LRGUK: variants seen among roughly 807,000 people sequenced by gnomAD.
The protein encoded by LRGUK is leucine-rich repeat and guanylate kinase domain-containing protein.
LRGUK carries 65 observed loss-of-function variants against 76.0 expected under a neutral mutation model. That is an observed-to-expected ratio of 0.85 (90% CI 0.70 to 1.05). The LOEUF (loss-of-function observed/expected upper bound fraction) is 1.05, where lower values mean the gene tolerates loss of function less well. Among genes scored for constraint, LRGUK ranks in the 50% least tolerant of loss-of-function variants. LRGUK has a pLI of 0.00. For missense variants in LRGUK, 758 were observed against 732.8 expected, an observed-to-expected ratio of 1.03 and a Z score of -0.40; for synonymous variants, 268 against 265.6, an observed-to-expected ratio of 1.01 and a Z score of -0.09.
chr7:134,190,144 G>A (rs923438700), intron 11 of LRGUK, among the ~76,000 whole-genome samples: 2 of 152,166 alleles, frequency 1.3e-5, no homozygotes, highest in Non-Finnish European at 2.9e-5. Flanking sequence ...CTAGCTTATG[G>A]TTTTTGTAAG....
rs553126828 is a variant in LRGUK, at chr7:134,215,302, A to G, written c.1844-6477A>G. 3.3e-5 allele frequency among the ~76,000 whole-genome samples: 5 copies of G among 152,152 alleles called. No homozygotes were observed. In the East Asian group the frequency reaches 7.7e-4, roughly 24 times the overall value. ...CTATGGCGCTGAATTTCAATTTTTA[A>G]AATTCTGGTTGTGGCCTCCTAAATT... is the stretch of plus-strand genomic sequence containing the variant. On this transcript the variant is annotated intron_variant, in intron 15 of 19. Coordinates refer to the LRGUK transcript ENST00000285928.
intron 7 of LRGUK, among the ~76,000 whole-genome samples, chr7:134,170,719 A>G (rs995299269): frequency 2.6e-5 from 4 of 152,170 alleles, no homozygotes; most frequent in Non-Finnish European, 5.9e-5. Flanking sequence ...TTTTTCCAAT[A>G]TCTAATAGTA....
chr7:134,199,684 T>C (rs1389705149), intron 14 of LRGUK, among the ~76,000 whole-genome samples: 1 of 151,962 alleles, frequency 6.6e-6, no homozygotes, highest in African/African-American at 2.4e-5. Flanking sequence ...TAGGGGACAT[T>C]GTGAGAACAA....
chr7:134,167,661 C>T (rs1018283341), intron 7 of LRGUK, among the ~76,000 whole-genome samples: 2 of 152,100 alleles, frequency 1.3e-5, no homozygotes, highest in Admixed American at 6.6e-5. Flanking sequence ...GCAGAAGGGG[C>T]GGGAATGTGA....
At chr7:134,154,402 T>C (rs1038853509) in intron 5 of LRGUK, among the ~76,000 whole-genome samples, 2 of 152,166 alleles carry the variant, frequency 1.3e-5, no homozygotes, top group Non-Finnish European at 2.9e-5. Context: ...GATAAAGATA[T>C]TGAAGACCAT....
intron 5 of LRGUK, among the ~76,000 whole-genome samples, chr7:134,157,608 C>G (rs1427616614): frequency 6.6e-6 from 1 of 152,200 alleles, no homozygotes; most frequent in African/African-American, 2.4e-5. Flanking sequence ...TTGCAAGCTC[C>G]GCCTCCCGGG....
chr7:134,208,505 T>A (rs749405769), intron 15 of LRGUK, among the ~76,000 whole-genome samples: 1 of 152,178 alleles, frequency 6.6e-6, no homozygotes, highest in Non-Finnish European at 1.5e-5. Flanking sequence ...TTGACTAAAA[T>A]TGTTCTAAGT....
At chr7:134,221,842 G>A (rs1237921231) in exon 16 of LRGUK, 1 of 1,603,468 alleles carries the variant, frequency 6.2e-7, no homozygotes, top group African/African-American at 1.4e-5. Context: ...TCGAATATGG[G>A]TGATTTCCTG....
chr7:134,257,014 A>G lies in LRGUK; in HGVS notation c.2199-1243A>G, dbSNP rs573558428. Among the ~76,000 whole-genome samples the G allele has an allele frequency of 2.2e-4, 33 of 152,272 alleles. No homozygotes were observed. In the South Asian group the frequency reaches 3.5e-3, roughly 16 times the overall value. ...GTGGGAGATGGGGACTGCACTGGTC[A>G]GGGAGAGGGGAGAGGATCGTGTCCA... On this transcript the variant is annotated intron_variant, in intron 18 of 19. Transcript: ENST00000285928.
intron 10 of LRGUK, among the ~76,000 whole-genome samples, chr7:134,180,818 A>G (rs1340534031): frequency 6.6e-6 from 1 of 152,182 alleles, no homozygotes; most frequent in Non-Finnish European, 1.5e-5. Context: ...ATGTTATGTA[A>G]CCATCACCAC....
chr7:134,234,541 C>T (rs772392709), intron 16 of LRGUK, among the ~76,000 whole-genome samples: 3 of 152,144 alleles, frequency 2.0e-5, no homozygotes, highest in Non-Finnish European at 4.4e-5. Context: ...GACTATCTTA[C>T]TGTATCTCTA....
intron 16 of LRGUK, among the ~76,000 whole-genome samples, chr7:134,229,813 C>A (rs1449737980): frequency 1.3e-5 from 2 of 151,972 alleles, no homozygotes; most frequent in African/African-American, 4.8e-5. Flanking sequence ...GAAAGTGATG[C>A]CTTTTGTATA....
At chr7:134,210,196 T>C in exon 16 of LRGUK, 1 of 399,286 alleles carries the variant, frequency 2.5e-6, no homozygotes, top group Non-Finnish European at 4.4e-6. Context: ...ATCAGCCAGC[T>C]CCCACCATGG....
In LRGUK at chr7:134,161,784, G is replaced by A. The variant is rs537043821; in HGVS notation, c.796-1613G>A. 4.6e-4 allele frequency among the ~76,000 whole-genome samples: 69 copies of A among 149,158 alleles called. 1 individual carries two copies. The South Asian group carries it at 0.011, about 24-fold the overall frequency. On this transcript the variant is annotated intron_variant, in intron 6 of 15. Coordinates refer to ENST00000645682, the Ensembl canonical transcript of LRGUK. ...GGGCTCACTACAAGCTCCGCCTCCCGGATTCACGCCATTCTCCTGCCTCAG... is the reference window on the plus strand; with the variant it reads ...GGGCTCACTACAAGCTCCGCCTCCCAGATTCACGCCATTCTCCTGCCTCAG...
rs780749499 is a variant in LRGUK at position 134,263,842 on chromosome 7, C to T, written c.2348-3C>T. 1.2e-6 allele frequency: 2 copies of T among 1,600,606 alleles called. No individual in the cohort carries two copies. Among genetic ancestry groups the T allele is most frequent in the Non-Finnish European group, 1.7e-6 (2 of 1,174,302 alleles). On this transcript the variant is annotated splice_polypyrimidine_tract_variant and splice_region_variant and intron_variant, in intron 19 of 19. Transcript: ENST00000285928. ...ACTATCTTTTTTTCTGAATGTTTTACAGCACTACCTATACAATCATTTTCA... is the reference window on the plus strand; with the variant it reads ...ACTATCTTTTTTTCTGAATGTTTTATAGCACTACCTATACAATCATTTTCA...
chr7:134,144,104 A>T lies in LRGUK; in HGVS notation c.588+942A>T, dbSNP rs190602006. Among the ~76,000 whole-genome samples, 94 of 152,258 alleles carry T rather than the reference A, an allele frequency of 6.2e-4. 2 individuals carry two copies. Among genetic ancestry groups the T allele is most frequent in the Admixed American group, 6.1e-3 (94 of 15,292 alleles). ...TTTGGGCTTCTTATTTTCAGAGACA[A>T]GTTGGAGTGCAGTTGCGCATTCTTG... is the stretch of plus-strand genomic sequence containing the variant. On this transcript the variant is annotated intron_variant, in intron 4 of 15. Coordinates refer to ENST00000645682, the Ensembl canonical transcript of LRGUK.
intron 12 of LRGUK, among the ~76,000 whole-genome samples, chr7:134,195,335 T>G (rs1461866812): frequency 2.0e-5 from 3 of 152,178 alleles, no homozygotes; most frequent in Non-Finnish European, 4.4e-5. Flanking sequence ...GGGAGTTTGT[T>G]TTGGGAAAGG....
At chr7:134,168,068 G>A (rs370053462) in intron 7 of LRGUK, among the ~76,000 whole-genome samples, 2 of 152,086 alleles carry the variant, frequency 1.3e-5, no homozygotes, top group Non-Finnish European at 2.9e-5. Flanking sequence ...AAGAATATTT[G>A]TTTTCTTGGC....
Position 134,209,309 on chromosome 7 carries a change from CCA to C in LRGUK, c.2448_2449del (p.Pro817GlnfsTer6). Reference sequence around the variant, plus strand: ...TGAGGAAATTGAGTCAGACAAACTTCCACCCAGCAGTTCCCACCATGATCCTC... The same window carrying C: ...TGAGGAAATTGAGTCAGACAAACTTCCCCAGCAGTTCCCACCATGATCCTC... On this transcript the variant is annotated frameshift_variant, in exon 16 of 16. Transcript: ENST00000645682. LOFTEE classifies it low-confidence loss of function (END_TRUNC). The C allele has an allele frequency of 2.5e-6, 1 of 399,406 alleles. No individual in the cohort carries two copies. The highest frequency in any genetic ancestry group is 4.4e-6 in the Non-Finnish European group (1 of 226,384). The allele number at this position is 399,406 out of a possible 1,614,324, so 24.7% of individuals were successfully genotyped here. A position where few individuals can be genotyped will look rare whatever the true frequency, so the allele number is the denominator to read the frequency against.
Sources: allele counts gnomAD v4.1 joint callset (sites outside exome capture counted in the v4.1 genomes callset), GRCh38; gene constraint gnomAD v4.1.1; transcripts MANE v1.5; gene names NCBI Gene and HGNC (gene_info 2026-07-23, HGNC 2026-07-21).